TMEM182: variants seen among roughly 807,000 people sequenced by gnomAD.
The protein encoded by TMEM182 is transmembrane protein 182.
In TMEM182, 20 loss-of-function variants were observed where a neutral mutation model predicts 26.8. The ratio of observed to expected loss-of-function variants is 0.75; its 90% CI spans 0.53 to 1.09. The LOEUF is 1.09. TMEM182 is among the 50% of genes least tolerant of loss of function. The pLI, the probability that TMEM182 is intolerant of heterozygous loss-of-function variation, is 0.00. For missense variants in TMEM182, 277 were observed against 275.5 expected (o/e 1.01, Z -0.04); for synonymous variants, 109 against 102.2 (o/e 1.07, Z -0.40).
At position 102,815,041 on chromosome 2, in the gene TMEM182, T is replaced by C; in HGVS notation, c.*73T>C. 1 of 1,563,456 alleles carries C rather than the reference T, an allele frequency of 6.4e-7. No homozygotes were observed. Among genetic ancestry groups the C allele is most frequent in the South Asian group, 1.2e-5 (1 of 84,020 alleles). On this transcript the variant is annotated 3_prime_UTR_variant, in exon 5 of 5. Coordinates refer to ENST00000412401, the MANE Select transcript of TMEM182 (RefSeq NM_144632.5). ...ATACTTTTTTTCCATTTTGTTTCAT[T>C]GATCCCAGCATAAAGTTAGTAGATA...
At chr2:102,741,445 AG>A (rs1229055918) in intron 1 of TMEM182, among the ~76,000 whole-genome samples, 2 of 152,194 alleles carry the variant, frequency 1.3e-5, no homozygotes, top group Non-Finnish European at 2.9e-5. Flanking sequence ...CAATACATCC[AG>A]GGGAAAATTA....
chr2:102,762,547 C>A (rs367815136), intron 1 of TMEM182, 40 bp from the exon 2 acceptor site: 3 of 1,583,870 alleles, frequency 1.9e-6, no homozygotes, highest in Non-Finnish European at 2.6e-6. Flanking sequence ...GATTATATTT[C>A]TTGTATTGAT....
intron 3 of TMEM182, among the ~76,000 whole-genome samples, chr2:102,838,043 C>T (rs1208065840): frequency 6.6e-6 from 1 of 152,172 alleles, no homozygotes; most frequent in Admixed American, 6.5e-5. Context: ...CCAAGGTAAC[C>T]CTACCCCGGA....
upstream of TMEM182, chr2:102,758,248 G>A: frequency 2.0e-6 from 1 of 492,604 alleles, no homozygotes; most frequent in Admixed American, 3.7e-5. Flanking sequence ...GAGAGAAAGG[G>A]AAGAGAGAAC....
At chr2:102,754,457 C>A (rs941923408) in intron 1 of TMEM182, among the ~76,000 whole-genome samples, 2 of 152,190 alleles carry the variant, frequency 1.3e-5, no homozygotes, top group South Asian at 4.1e-4. Flanking sequence ...GTATTGTACA[C>A]CTACAACATA....
At chr2:102,750,796 T>C (rs1679854547) in intron 1 of TMEM182, among the ~76,000 whole-genome samples, 1 of 152,314 alleles carries the variant, frequency 6.6e-6, no homozygotes, top group African/African-American at 2.4e-5. Context: ...ATTGTCCTTT[T>C]TACCCACCCA....
chr2:102,831,939 G>C (rs1055679100), intron 3 of TMEM182, among the ~76,000 whole-genome samples: 1 of 152,146 alleles, frequency 6.6e-6, no homozygotes, highest in Non-Finnish European at 1.5e-5. Context: ...CTTTTCATAG[G>C]ACAAGGCTTA....
downstream of TMEM182, among the ~76,000 whole-genome samples, chr2:102,818,139 A>C (rs1190482874): frequency 6.6e-6 from 1 of 152,220 alleles, no homozygotes; most frequent in Admixed American, 6.5e-5. Flanking sequence ...GAGCTAAATC[A>C]AAACCAGATT....
In TMEM182 at chr2:102,762,429, G is replaced by A. The variant is rs1215953359; in HGVS notation, c.132+80G>A. On this transcript the variant is annotated intron_variant, in intron 1 of 4. Coordinates refer to ENST00000412401, the MANE Select transcript of TMEM182 (RefSeq NM_144632.5). ...TGTATGCTCTTGAAATCAGAGAATAGTAGTGGAGTGTCTATTTCTTCATGG... is the reference window on the plus strand; with the variant it reads ...TGTATGCTCTTGAAATCAGAGAATAATAGTGGAGTGTCTATTTCTTCATGG... 9 of 1,575,540 alleles carry A rather than the reference G, an allele frequency of 5.7e-6. No individual in the cohort carries two copies. In the African/African-American group the frequency reaches 1.2e-4, roughly 21 times the overall value.
chr2:102,833,386 C>A (rs923056424), intron 3 of TMEM182, among the ~76,000 whole-genome samples: 2 of 152,144 alleles, frequency 1.3e-5, no homozygotes, highest in African/African-American at 4.8e-5. Flanking sequence ...TGGAATTGTG[C>A]ATGGGGACTA....
intron 4 of TMEM182, 37 bp from the exon 5 acceptor site, chr2:102,814,711 C>T: frequency 3.8e-6 from 6 of 1,565,554 alleles, no homozygotes; most frequent in Middle Eastern, 1.7e-4. Flanking sequence ...AAAACATCTT[C>T]AGAAAGGCTA....
chr2:102,824,154 G>C (rs994646169), intron 3 of TMEM182, among the ~76,000 whole-genome samples: 2 of 152,184 alleles, frequency 1.3e-5, no homozygotes, highest in African/African-American at 4.8e-5. Context: ...GAGAAGAGTT[G>C]TTTTTACCAC....
chr2:102,807,295 A>T (rs1410314185), intron 4 of TMEM182, among the ~76,000 whole-genome samples: 1 of 152,184 alleles, frequency 6.6e-6, no homozygotes, highest in East Asian at 1.9e-4. Context: ...AGAAAAGTGT[A>T]ATCATGATAT....
intron 1 of TMEM182, among the ~76,000 whole-genome samples, chr2:102,747,213 A>G (rs1679727003): frequency 6.6e-6 from 1 of 152,168 alleles, no homozygotes; most frequent in South Asian, 2.1e-4. Context: ...AGATGTATAC[A>G]TATTTTCAGT....
Position 102,794,501 on chromosome 2 carries a change from C to A in TMEM182, c.332-3362C>A, listed in dbSNP as rs187198331. Among the ~76,000 whole-genome samples the A allele has an allele frequency of 9.8e-5, 15 of 152,322 alleles. No homozygotes were observed. In the East Asian group the frequency reaches 1.9e-3, roughly 20 times the overall value. On this transcript the variant is annotated intron_variant, in intron 3 of 4. Coordinates refer to ENST00000412401, the MANE Select transcript of TMEM182 (RefSeq NM_144632.5). ...TCCTGTAGAACAGGTCTGTTGATAA[C>A]ACATTCTACTCTTTCCTTCTTCACA... is the stretch of plus-strand genomic sequence containing the variant.
At chr2:102,798,089 C>G in intron 4 of TMEM182, 89 bp downstream of exon 4, 1 of 1,451,752 alleles carries the variant, frequency 6.9e-7, no homozygotes, top group Non-Finnish European at 9.3e-7. Flanking sequence ...CGTCAGCCTT[C>G]TAGTAACAGT....
intron 1 of TMEM182, among the ~76,000 whole-genome samples, chr2:102,757,026 G>A (rs1165387543): frequency 6.6e-6 from 1 of 152,076 alleles, no homozygotes; most frequent in Non-Finnish European, 1.5e-5. Flanking sequence ...TGGCCAGGCT[G>A]GTCCTGAACT....
chr2:102,787,434 C>T (rs1681444627), intron 3 of TMEM182, among the ~76,000 whole-genome samples: 1 of 152,242 alleles, frequency 6.6e-6, no homozygotes, highest in African/African-American at 2.4e-5. Flanking sequence ...GGACCCTACT[C>T]TCATAACCTC....
At chr2:102,764,583 G>A (rs895615742) in intron 3 of TMEM182, among the ~76,000 whole-genome samples, 156 bp downstream of exon 3, 1 of 152,086 alleles carries the variant, frequency 6.6e-6, no homozygotes, top group African/African-American at 2.4e-5. Context: ...TATTTTTAAT[G>A]TGCCATTTAT....
Sources: gnomAD v4.1 joint callset for allele counts (sites outside exome capture counted in the v4.1 genomes callset) on GRCh38, gnomAD v4.1.1 for gene constraint, MANE v1.5 for transcripts, NCBI Gene and HGNC (gene_info 2026-07-23, HGNC 2026-07-21) for gene names.